The following DENND3 variants were observed in gnomAD, a reference collection of about 807,000 sequenced individuals.
DENND3 encodes the protein DENN domain containing 3.
DENND3 carries 88 observed loss-of-function variants against 135.1 expected under a neutral mutation model. That is an observed-to-expected ratio of 0.65 (90% confidence interval 0.55 to 0.78). The LOEUF is 0.78. Ranked by LOEUF, DENND3 falls within the 30% of genes least tolerant of loss-of-function variation. DENND3 has a pLI of 0.00. For missense variants in DENND3, 1,392 were observed against 1,688.4 expected (o/e 0.82, Z 3.08); for synonymous variants, 693 against 712.3 (o/e 0.97, Z 0.43).
chr8:141,162,140 A>G (rs893555007), intron 9 of DENND3, among the ~76,000 whole-genome samples: 2 of 152,170 alleles, frequency 1.3e-5, no homozygotes, highest in African/African-American at 4.8e-5. Flanking sequence ...TTGTTTGCAT[A>G]AAGCGAATAA....
chr8:141,154,744 G>A lies in DENND3; in HGVS notation c.1075-1105G>A, dbSNP rs918120974. Among the ~76,000 whole-genome samples the A allele has an allele frequency of 6.6e-6, 1 of 152,014 alleles. No individual in the cohort carries two copies. ...TGCCTGGGTAATTTTTGTATTTTTA[G>A]TAGAGACGAGGTTTCACCATGTTGG... On this transcript the variant is annotated intron_variant, in intron 7 of 22. Transcript: ENST00000519811. The surrounding 1 kb of genome is among the most constrained non-coding windows in gnomAD (Gnocchi z 4.4).
chr8:141,138,342 C>T lies in DENND3; in HGVS notation c.501+205C>T, dbSNP rs916157726. ...CCCTGAAAACCCCATACCATTAAGC[C>T]TTCAGTCCTGCTTCCCCTTCCTGCC... On this transcript the variant is annotated intron_variant, in intron 3 of 22. Coordinates refer to ENST00000519811, the MANE Select transcript of DENND3 (RefSeq NM_001352890.3). This position sits in a 1 kb window ranked among gnomAD's most constrained non-coding sequence, Gnocchi z 4.8. Among the ~76,000 whole-genome samples, 1 of 152,092 alleles carries T rather than the reference C, an allele frequency of 6.6e-6. No individual in the cohort carries two copies. The highest frequency in any genetic ancestry group is 1.5e-5 in the Non-Finnish European group (1 of 68,022).
rs1815810512 is a variant in DENND3 at position 141,130,115 on chromosome 8, C to T, written c.102+1306C>T. ...GTCTCCTCAGCCGTTGAACGTCTTT[C>T]CTCTGGGGCAGTTACAACATGGGTG... On this transcript the variant is annotated intron_variant, in intron 1 of 22. Transcript: ENST00000519811. This position sits in a 1 kb window ranked among gnomAD's most constrained non-coding sequence, Gnocchi z 4.2. 6.6e-6 allele frequency among the ~76,000 whole-genome samples: 1 copy of T among 152,184 alleles called. No individual in the cohort carries two copies. The highest frequency in any genetic ancestry group is 1.5e-5 in the Non-Finnish European group (1 of 68,034).
At chr8:141,149,192 G>A (rs567417115) in intron 5 of DENND3, among the ~76,000 whole-genome samples, 8 of 152,344 alleles carry the variant, frequency 5.3e-5, no homozygotes, top group African/African-American at 1.9e-4. Context: ...TTATAGGCAT[G>A]AGCCACCACA....
intron 18 of DENND3, among the ~76,000 whole-genome samples, chr8:141,186,599 T>C (rs1796441207): frequency 6.6e-6 from 1 of 152,250 alleles, no homozygotes; most frequent in African/African-American, 2.4e-5. Flanking sequence ...ACAATTCTTC[T>C]TCCACTGTGG....
intron 13 of DENND3, among the ~76,000 whole-genome samples, chr8:141,169,782 G>C (rs1589653051): frequency 6.6e-6 from 1 of 152,238 alleles, no homozygotes; most frequent in East Asian, 1.9e-4. Flanking sequence ...GTTTGCACGT[G>C]CTGTTTTACT....
At chr8:141,132,361 AT>A (rs899240844) in intron 1 of DENND3, among the ~76,000 whole-genome samples, 16 of 151,240 alleles carry the variant, frequency 1.1e-4, no homozygotes, top group East Asian at 5.8e-4. Flanking sequence ...TATATTTATT[AT>A]TTTTTTTTGT....
chr8:141,130,328 T>C lies in DENND3; in HGVS notation c.102+1519T>C, dbSNP rs1569554621. The stretch of plus-strand genomic sequence containing the variant: ...CAAGTGATCCTCCCGCCTCAGCCTT[T>C]CAAAGTGCTGGGATTACAGGCGTGA... On this transcript the variant is annotated intron_variant, in intron 1 of 22. Coordinates refer to ENST00000519811, the MANE Select transcript of DENND3 (RefSeq NM_001352890.3). This position sits in a 1 kb window ranked among gnomAD's most constrained non-coding sequence, Gnocchi z 4.2. Among the ~76,000 whole-genome samples the C allele has an allele frequency of 6.6e-6, 1 of 152,274 alleles. No homozygotes were observed. Among genetic ancestry groups the C allele is most frequent in the East Asian group, 1.9e-4 (1 of 5,186 alleles).
chr8:141,170,951 T>G (rs899384418), intron 13 of DENND3, among the ~76,000 whole-genome samples: 1 of 151,990 alleles, frequency 6.6e-6, no homozygotes, highest in Admixed American at 6.5e-5. Flanking sequence ...ACACAGTGCC[T>G]TCTGTTTCCT....
chr8:141,130,470 C>T lies in DENND3; in HGVS notation c.102+1661C>T, dbSNP rs1449525320. 6.6e-6 allele frequency among the ~76,000 whole-genome samples: 1 copy of T among 152,052 alleles called. No homozygotes were observed. Among genetic ancestry groups the T allele is most frequent in the Non-Finnish European group, 1.5e-5 (1 of 68,004 alleles). On this transcript the variant is annotated intron_variant, in intron 1 of 22. Coordinates refer to ENST00000519811, the MANE Select transcript of DENND3 (RefSeq NM_001352890.3). The surrounding 1 kb of genome is among the most constrained non-coding windows in gnomAD (Gnocchi z 4.2). ...TACTGTGCATGCTTAACTTTGTCCT[C>T]TTTACTCTGTCTTTTGATTCTGTTA...
rs559179440 is a variant in DENND3 at position 141,141,231 on chromosome 8, C to T, written c.530C>T (p.Thr177Met). The change falls in exon 4 of 23, where the codon ACG (threonine) becomes ATG (methionine). Residue 177 changes from threonine to methionine, a missense_variant. Physicochemically the swap from Thr to Met is moderately conservative, Grantham distance 81 (BLOSUM62 -1). Transcript: ENST00000519811. This position sits in a 1 kb window ranked among gnomAD's most constrained non-coding sequence, Gnocchi z 5.3. ...HDEYCFYNGK[T>M]HRECPGCFVP... ...GAGTACTGTTTCTACAATGGCAAAA[C>T]GCACCGGGAGTGTCCTGGCTGCTTC... 23 of 1,614,144 alleles carry T rather than the reference C, an allele frequency of 1.4e-5. No homozygotes were observed. Among genetic ancestry groups the T allele is most frequent in the East Asian group, 6.7e-5 (3 of 44,880 alleles).
chr8:141,189,817 C>T (rs905743752), intron 19 of DENND3, among the ~76,000 whole-genome samples: 6 of 152,202 alleles, frequency 3.9e-5, no homozygotes, highest in Admixed American at 6.5e-5. Context: ...GGTGCAGGCT[C>T]GAGCCCAGCC....
At chr8:141,170,647 C>A (rs1327966073) in intron 13 of DENND3, among the ~76,000 whole-genome samples, 6 of 152,208 alleles carry the variant, frequency 3.9e-5, no homozygotes, top group Non-Finnish European at 8.8e-5. Flanking sequence ...CTGCACCAGC[C>A]AGGCAGGGCG....
In DENND3 at chr8:141,141,403, G is replaced by A; in HGVS notation, c.623+79G>A. The A allele has an allele frequency of 8.4e-6, 13 of 1,546,142 alleles. No individual in the cohort carries two copies. Among genetic ancestry groups the A allele is most frequent in the Non-Finnish European group, 1.1e-5 (13 of 1,136,250 alleles). On this transcript the variant is annotated intron_variant, in intron 4 of 22. Coordinates refer to ENST00000519811, the MANE Select transcript of DENND3 (RefSeq NM_001352890.3). This position sits in a 1 kb window ranked among gnomAD's most constrained non-coding sequence, Gnocchi z 5.3. ...TCCAGGTGAGCCAAGGGACCAGGGG[G>A]CTGGAGGTGGTGGGGGGGCAGCTCT...
intron 10 of DENND3, among the ~76,000 whole-genome samples, chr8:141,163,745 T>C (rs1820422571): frequency 6.6e-6 from 1 of 151,718 alleles, no homozygotes; most frequent in African/African-American, 2.4e-5. Flanking sequence ...CCATCTCTAC[T>C]AAAAATACAA....
chr8:141,182,893 A>C lies in DENND3; in HGVS notation c.2944+2039A>C, dbSNP rs1823346045. ...GGGGAGCGTGCCTCTCAGAGACGGC[A>C]GTGTCTCACCCATGGGAGCAACAGA... is the stretch of plus-strand genomic sequence containing the variant. On this transcript the variant is annotated intron_variant, in intron 17 of 22. Coordinates refer to ENST00000519811, the MANE Select transcript of DENND3 (RefSeq NM_001352890.3). This position sits in a 1 kb window ranked among gnomAD's most constrained non-coding sequence, Gnocchi z 5.9. 6.6e-6 allele frequency among the ~76,000 whole-genome samples: 1 copy of C among 152,338 alleles called. No individual in the cohort carries two copies. Among genetic ancestry groups the C allele is most frequent in the East Asian group, 1.9e-4 (1 of 5,188 alleles).
intron 16 of DENND3, among the ~76,000 whole-genome samples, chr8:141,179,409 CCT>C (rs1298226508): frequency 2.0e-5 from 3 of 152,258 alleles, no homozygotes; most frequent in Non-Finnish European, 4.4e-5. Context: ...CCTTCTAACG[CCT>C]CTGTTATCAG....
intron 13 of DENND3, among the ~76,000 whole-genome samples, chr8:141,172,674 T>C (rs1821781419): frequency 6.6e-6 from 1 of 152,200 alleles, no homozygotes; most frequent in African/African-American, 2.4e-5. Context: ...CCTTTTCCTG[T>C]TTCTTGGGCC....
chr8:141,151,813 C>T lies in DENND3; in HGVS notation c.1050C>T (p.Leu350=), dbSNP rs142459324. ...CGTCCTTCCTGATGGGCTGCCATCT[C>T]GACCACTTCGAAGAAGTCAGCAAGG... ...APTSFLMGCH[L]DHFEEVSKEA... is the part of the protein sequence containing the mutation. Residue 350 remains leucine (L), a synonymous_variant, in exon 7 of 23, where the codon CTC becomes CTT. Coordinates refer to ENST00000519811, the MANE Select transcript of DENND3 (RefSeq NM_001352890.3). 834 of 1,614,188 alleles carry T rather than the reference C, an allele frequency of 5.2e-4. 5 individuals are homozygous for T. The highest frequency in any genetic ancestry group is 1.2e-3 in the Admixed American group (70 of 60,026).
Sources: allele counts gnomAD v4.1 joint callset (sites outside exome capture counted in the v4.1 genomes callset), GRCh38; gene constraint gnomAD v4.1.1; non-coding constraint Gnocchi (gnomAD v3.1); transcripts MANE v1.5; gene names NCBI Gene and HGNC (gene_info 2026-07-23, HGNC 2026-07-21).